Variants in KCNA2 observed in about 807,000 individuals in gnomAD.
KCNA2 encodes potassium channel, voltage gated shaker related subfamily A, member 2.
A neutral mutation model predicts 33.4 loss-of-function variants in KCNA2; 11 were observed. The ratio of observed to expected loss-of-function variants is 0.33; its 90% CI spans 0.21 to 0.55. The LOEUF is 0.55. Among genes scored for constraint, KCNA2 ranks in the 20% least tolerant of loss-of-function variants. KCNA2 has a pLI of 0.93. For missense variants in KCNA2, 291 were observed against 621.6 expected (o/e 0.47, Z 5.66); for synonymous variants, 222 against 231.3 (o/e 0.96, Z 0.37).
intron 2 of KCNA2, 108 bp from the exon 3 acceptor site, chr1:110,605,053 TCAC>T (rs925256153): frequency 1.0e-5 from 5 of 487,078 alleles, no homozygotes; most frequent in East Asian, 3.4e-5. Context: ...AGACACATGA[TCAC>T]CACCACCACA....
In KCNA2 at chr1:110,597,285, T is replaced by C; in HGVS notation, c.*5998A>G. The C allele has an allele frequency of 1.0e-6, 1 of 985,336 alleles. No individual in the cohort carries two copies. Among genetic ancestry groups the C allele is most frequent in the Non-Finnish European group, 1.2e-6 (1 of 829,836 alleles). 61.0% of individuals were successfully genotyped at this position (985,336 alleles called of 1,614,324 possible). On this transcript the variant is annotated 3_prime_UTR_variant, in exon 3 of 3. Coordinates refer to ENST00000316361, the MANE Select transcript of KCNA2 (RefSeq NM_004974.4). ...GGATCAAGTAATGGCTTTTAGTGCA[T>C]GGAAATGATCTTCTGTAATGGCTCA...
At position 110,594,921 on chromosome 1, in the gene KCNA2, T is replaced by C; in HGVS notation, c.*8362A>G. The C allele has an allele frequency of 1.0e-6, 1 of 985,468 alleles. No individual in the cohort carries two copies. The highest frequency in any genetic ancestry group is 1.2e-6 in the Non-Finnish European group (1 of 829,948). 61.0% of individuals were successfully genotyped at this position (985,468 alleles called of 1,614,324 possible). A position where few individuals can be genotyped will look rare whatever the true frequency, so the allele number is the denominator to read the frequency against. On this transcript the variant is annotated 3_prime_UTR_variant, in exon 3 of 3. Transcript: ENST00000316361. Reference sequence around the variant, plus strand: ...TGTTAGCAGCTGACATGGAAATTGTTTGGTAGCAAAGTGCGCCCCTGAATA... The same window carrying C: ...TGTTAGCAGCTGACATGGAAATTGTCTGGTAGCAAAGTGCGCCCCTGAATA...
At chr1:110,607,897 T>C (rs1649733177), upstream of KCNA2, 1 of 152,222 alleles carries the variant, frequency 6.6e-6, no homozygotes, top group Non-Finnish European at 1.5e-5. Flanking sequence ...AAGATTTGGC[T>C]TCGCAGGGAA....
chr1:110,598,298 G>A lies in KCNA2; in HGVS notation c.*4985C>T. 1 of 819,246 alleles carries A rather than the reference G, an allele frequency of 1.2e-6. No individual in the cohort carries two copies. The highest frequency in any genetic ancestry group is 1.5e-6 in the Non-Finnish European group (1 of 678,516). 50.7% of individuals were successfully genotyped at this position (819,246 alleles called of 1,614,324 possible). Reference sequence around the variant, plus strand: ...GCTCAGCACCATCATCCCCTCTCTTGAGTAAACAAGTCAAAGCACTGTGCT... The same window carrying A: ...GCTCAGCACCATCATCCCCTCTCTTAAGTAAACAAGTCAAAGCACTGTGCT... On this transcript the variant is annotated 3_prime_UTR_variant, in exon 3 of 3. Transcript: ENST00000316361.
At position 110,595,018 on chromosome 1, in the gene KCNA2, G is replaced by C. The variant is rs1649036642; in HGVS notation, c.*8265C>G. ...GCATTTATTCACTCATACAAACAAG[G>C]CATTCGGTGTCTAGGGAATCATTTT... is the stretch of plus-strand genomic sequence containing the variant. On this transcript the variant is annotated 3_prime_UTR_variant, in exon 3 of 3. Transcript: ENST00000316361. 1.0e-6 allele frequency: 1 copy of C among 985,212 alleles called. No individual in the cohort carries two copies. The highest frequency in any genetic ancestry group is 6.2e-5 in the Admixed American group (1 of 16,256). 61.0% of individuals were successfully genotyped at this position (985,212 alleles called of 1,614,324 possible). A position where few individuals can be genotyped will look rare whatever the true frequency, so the allele number is the denominator to read the frequency against.
Position 110,597,639 on chromosome 1 carries a change from T to C in KCNA2, c.*5644A>G, listed in dbSNP as rs1649152941. The C allele has an allele frequency of 2.0e-6, 2 of 985,442 alleles. No homozygotes were observed. The highest frequency in any genetic ancestry group is 1.2e-6 in the Non-Finnish European group (1 of 829,942). The allele number at this position is 985,442 out of a possible 1,614,324, so 61.0% of individuals were successfully genotyped here. ...TCAGATCTCAAGAGGACAGGAGTCA[T>C]GTGAACACGTGGGAAGAAGAAGAAA... On this transcript the variant is annotated 3_prime_UTR_variant, in exon 3 of 3. Transcript: ENST00000316361.
chr1:110,596,343 A>C lies in KCNA2; in HGVS notation c.*6940T>G, dbSNP rs1649098298. 1 of 386,220 alleles carries C rather than the reference A, an allele frequency of 2.6e-6. No homozygotes were observed. Among genetic ancestry groups the C allele is most frequent in the Admixed American group, 6.5e-5 (1 of 15,278 alleles). The allele number at this position is 386,220 out of a possible 1,614,324, so 23.9% of individuals were successfully genotyped here. On this transcript the variant is annotated 3_prime_UTR_variant, in exon 3 of 3. Transcript: ENST00000316361. Reference sequence around the variant, plus strand: ...ATACATATATACATATACTATATATATATATATACACACATAAATATATGT... The same window carrying C: ...ATACATATATACATATACTATATATCTATATATACACACATAAATATATGT...
In KCNA2 at chr1:110,597,411, CA is replaced by C. The variant is rs1649141725; in HGVS notation, c.*5871del. 3 of 985,300 alleles carry C rather than the reference CA, an allele frequency of 3.0e-6. No individual in the cohort carries two copies. Among genetic ancestry groups the C allele is most frequent in the Admixed American group, 6.2e-5 (1 of 16,260 alleles). 61.0% of individuals were successfully genotyped at this position (985,300 alleles called of 1,614,324 possible). ...AACAAAATGGGCTGAAAAGGTCACA[CA>C]AACTTAGGATTTTCATGCCTAGAGG... On this transcript the variant is annotated 3_prime_UTR_variant, in exon 3 of 3. Transcript: ENST00000316361.
chr1:110,624,317 A>G (rs1570768255), intron 1 of KCNA2, among the ~76,000 whole-genome samples: 1 of 152,396 alleles, frequency 6.6e-6, no homozygotes, highest in East Asian at 1.9e-4. Flanking sequence ...ATAAAAAAGA[A>G]ATAGACTACT....
Position 110,594,285 on chromosome 1 carries a change from C to CTT in KCNA2, c.*8997_*8998insAA, listed in dbSNP as rs1648993752. The CTT allele has an allele frequency of 1.0e-6, 1 of 954,702 alleles. No homozygotes were observed. Among genetic ancestry groups the CTT allele is most frequent in the Non-Finnish European group, 1.2e-6 (1 of 812,010 alleles). The allele number at this position is 954,702 out of a possible 1,614,324, so 59.1% of individuals were successfully genotyped here. On this transcript the variant is annotated 3_prime_UTR_variant, in exon 3 of 3. Coordinates refer to ENST00000316361, the MANE Select transcript of KCNA2 (RefSeq NM_004974.4). ...TGAGTGGCGGCCATTTCCTCTCTCT[C>CTT]TCTCTCTCTATATATATATATACAT...
At position 110,602,964 on chromosome 1, in the gene KCNA2, T is replaced by A. The variant is rs1649423719; in HGVS notation, c.*319A>T. 2.7e-6 allele frequency: 3 copies of A among 1,106,050 alleles called. No individual in the cohort carries two copies. Among genetic ancestry groups the A allele is most frequent in the Non-Finnish European group, 3.3e-6 (3 of 908,230 alleles). The allele number at this position is 1,106,050 out of a possible 1,614,324, so 68.5% of individuals were successfully genotyped here. ...TCTCTTGGATGTTGTGTGCATTTCATTAGGAAGGAATGATGGCACTGATAT... is the reference window on the plus strand; with the variant it reads ...TCTCTTGGATGTTGTGTGCATTTCAATAGGAAGGAATGATGGCACTGATAT... On this transcript the variant is annotated 3_prime_UTR_variant, in exon 3 of 3. Transcript: ENST00000316361.
intron 1 of KCNA2, among the ~76,000 whole-genome samples, chr1:110,616,249 G>T (rs762819405): frequency 2.6e-5 from 4 of 152,170 alleles, no homozygotes; most frequent in Non-Finnish European, 4.4e-5. Flanking sequence ...CCTGGCCCAG[G>T]CTTCACTTCC....
At chr1:110,612,318 G>A (rs1649902063) in intron 1 of KCNA2, among the ~76,000 whole-genome samples, 1 of 152,168 alleles carries the variant, frequency 6.6e-6, no homozygotes, top group Non-Finnish European at 1.5e-5. Flanking sequence ...ACACACCCAG[G>A]CTGTATGGTA....
In KCNA2 at chr1:110,617,066, C is replaced by T. The variant is rs747263946; in HGVS notation, c.-495-11344G>A. Among the ~76,000 whole-genome samples, 35 of 152,220 alleles carry T rather than the reference C, an allele frequency of 2.3e-4. 1 individual carries two copies. The highest frequency in any genetic ancestry group is 1.0e-4 in the Non-Finnish European group (7 of 68,036). On this transcript the variant is annotated intron_variant, in intron 1 of 4. Coordinates refer to the KCNA2 transcript ENST00000369770. ...GTTGAAGTGAAGCTTGGGCATTCTTCATGGGCAATCTGCATGCCTCACTGC... is the reference window on the plus strand; with the variant it reads ...GTTGAAGTGAAGCTTGGGCATTCTTTATGGGCAATCTGCATGCCTCACTGC...
chr1:110,620,090 G>GAGAGAGAGAGAGAGAGAA (rs1491408571), intron 1 of KCNA2, among the ~76,000 whole-genome samples: 1 of 131,124 alleles, frequency 7.6e-6, no homozygotes, highest in East Asian at 2.2e-4. Context: ...GAGAGAGAGT[G>GAGAGAGAGAGAGAGAGAA]AGTGAGAGAG....
chr1:110,611,255 G>A (rs2101431635), upstream of KCNA2, among the ~76,000 whole-genome samples: 1 of 152,290 alleles, frequency 6.6e-6, no homozygotes, highest in South Asian at 2.1e-4. Context: ...CTTGGAAGTG[G>A]CATGGGCCTC....
At chr1:110,609,538 C>T (rs1454547024), upstream of KCNA2, among the ~76,000 whole-genome samples, 1 of 152,134 alleles carries the variant, frequency 6.6e-6, no homozygotes, top group African/African-American at 2.4e-5. Context: ...AGGACATGTG[C>T]CCTTAGCCCC....
intron 1 of KCNA2, among the ~76,000 whole-genome samples, chr1:110,613,094 G>C (rs1649932206): frequency 6.6e-6 from 1 of 152,236 alleles, no homozygotes; most frequent in Non-Finnish European, 1.5e-5. Flanking sequence ...AGAAACGTGA[G>C]CTTCCAGATG....
intron 1 of KCNA2, among the ~76,000 whole-genome samples, chr1:110,623,774 A>G (rs1650318689): frequency 6.6e-6 from 1 of 152,250 alleles, no homozygotes; most frequent in Admixed American, 6.5e-5. Context: ...AGTAAAAAAG[A>G]AAAACAAATT....
Sources: allele counts gnomAD v4.1 joint callset (sites outside exome capture counted in the v4.1 genomes callset), GRCh38; gene constraint gnomAD v4.1.1; transcripts MANE v1.5; gene names NCBI Gene and HGNC (gene_info 2026-07-23, HGNC 2026-07-21).